PLEKHA7: variants seen among roughly 807,000 people sequenced by gnomAD.
PLEKHA7 encodes pleckstrin homology domain-containing family A member 7.
PLEKHA7 carries 104 observed loss-of-function variants against 170.0 expected under a neutral mutation model. The ratio of observed to expected loss-of-function variants is 0.61; its 90% CI spans 0.52 to 0.72. The LOEUF (loss-of-function observed/expected upper bound fraction) is 0.72. Ranked by LOEUF, PLEKHA7 falls within the 30% of genes least tolerant of loss-of-function variation. The probability of loss-of-function intolerance (pLI) is 0.00; values close to 1 mark genes in which losing one functional copy is unlikely to be tolerated. For missense variants in PLEKHA7, 1,615 were observed against 1,671.7 expected (o/e 0.97, Z 0.59); for synonymous variants, 648 against 660.8 (o/e 0.98, Z 0.30).
chr11:16,960,485 T>C (rs1861988282), intron 3 of PLEKHA7, among the ~76,000 whole-genome samples: 1 of 152,120 alleles, frequency 6.6e-6, no homozygotes, highest in South Asian at 2.1e-4. Context: ...TCCACCGCCA[T>C]GGGCAGAAAC....
intron 17 of PLEKHA7, among the ~76,000 whole-genome samples, chr11:16,796,488 T>G (rs567569868): frequency 6.6e-6 from 1 of 152,238 alleles, no homozygotes; most frequent in South Asian, 2.1e-4. Flanking sequence ...AGTAGATTAG[T>G]GTTTGGCAAG....
At chr11:17,011,276 AT>A (rs1387707987) in intron 3 of PLEKHA7, among the ~76,000 whole-genome samples, 5 of 152,110 alleles carry the variant, frequency 3.3e-5, no homozygotes, top group Non-Finnish European at 7.4e-5. Flanking sequence ...CATGGATCCC[AT>A]CCCTCTCACC....
intron 10 of PLEKHA7, among the ~76,000 whole-genome samples, chr11:16,819,538 C>G (rs1310688400): frequency 2.0e-5 from 3 of 152,208 alleles, no homozygotes; most frequent in African/African-American, 7.2e-5. Context: ...TCTGACTCTG[C>G]CTTCACCTAT....
intron 3 of PLEKHA7, among the ~76,000 whole-genome samples, chr11:16,925,851 G>A (rs1039374206): frequency 1.3e-5 from 2 of 152,246 alleles, no homozygotes; most frequent in Non-Finnish European, 2.9e-5. Flanking sequence ...CGGCGCGTCC[G>A]AGCCCAGCAC....
intron 21 of PLEKHA7, 47 bp downstream of exon 21, chr11:16,790,751 A>C (rs1847783685): frequency 4.5e-6 from 7 of 1,562,118 alleles, no homozygotes; most frequent in Non-Finnish European, 6.1e-6. Context: ...GGCTGGAAGC[A>C]GTGTGGTGGG....
At chr11:16,898,038 TGATG>T (rs1262832635) in intron 3 of PLEKHA7, among the ~76,000 whole-genome samples, 1 of 152,116 alleles carries the variant, frequency 6.6e-6, no homozygotes, top group African/African-American at 2.4e-5. Context: ...TTTTTCTGAC[TGATG>T]GAAGAAAAAC....
chr11:16,828,185 T>A (rs1001117639), intron 9 of PLEKHA7, among the ~76,000 whole-genome samples: 8 of 152,146 alleles, frequency 5.3e-5, no homozygotes, highest in African/African-American at 1.9e-4. Context: ...GAACTGTAGT[T>A]CCCATAATCC....
chr11:16,858,902 C>T (rs1467652081), intron 4 of PLEKHA7, among the ~76,000 whole-genome samples: 3 of 152,288 alleles, frequency 2.0e-5, no homozygotes, highest in South Asian at 4.1e-4. Flanking sequence ...CGTCTCCTCC[C>T]CATACTAGCT....
intron 3 of PLEKHA7, among the ~76,000 whole-genome samples, chr11:16,953,956 G>C (rs1861551030): frequency 6.6e-6 from 1 of 152,158 alleles, no homozygotes. Context: ...AAAGTTGGCT[G>C]ACTGAACAGA....
intron 3 of PLEKHA7, among the ~76,000 whole-genome samples, chr11:16,884,543 G>C (rs1253629483): frequency 6.6e-6 from 1 of 152,150 alleles, no homozygotes; most frequent in East Asian, 1.9e-4. Context: ...GCTGAGCCAG[G>C]AGAATTGTTT....
At chr11:16,805,077 G>T (rs1848862588) in intron 13 of PLEKHA7, among the ~76,000 whole-genome samples, 1 of 152,184 alleles carries the variant, frequency 6.6e-6, no homozygotes, top group Non-Finnish European at 1.5e-5. Flanking sequence ...GAACAAGGAG[G>T]TTGTCTATTC....
intron 3 of PLEKHA7, among the ~76,000 whole-genome samples, chr11:16,981,873 T>C (rs1863450166): frequency 6.6e-6 from 1 of 152,192 alleles, no homozygotes; most frequent in Non-Finnish European, 1.5e-5. Flanking sequence ...GCTGTCGTCA[T>C]GGAGCCGGAA....
At position 16,938,487 on chromosome 11, in the gene PLEKHA7, GC is replaced by G. The variant is rs895468210; in HGVS notation, c.222-67306del. On this transcript the variant is annotated intron_variant, in intron 3 of 26. Coordinates refer to ENST00000531066, the MANE Select transcript of PLEKHA7 (RefSeq NM_001329630.2). ...ACATTCTCAATATTCTAAGATAGGT[GC>G]CCCCCTCACTTTTTTTTTCAATTTT... Among the ~76,000 whole-genome samples, 6 of 151,598 alleles carry G rather than the reference GC, an allele frequency of 4.0e-5. No individual in the cohort carries two copies. The South Asian group carries it at 1.0e-3, about 26-fold the overall frequency.
chr11:16,817,518 G>A lies in PLEKHA7; in HGVS notation c.1344-196C>T. The A allele has an allele frequency of 1.9e-6, 1 of 524,690 alleles. No homozygotes were observed. The highest frequency in any genetic ancestry group is 3.3e-6 in the Non-Finnish European group (1 of 306,236). The allele number at this position is 524,690 out of a possible 1,614,324, so 32.5% of individuals were successfully genotyped here. On this transcript the variant is annotated intron_variant, in intron 10 of 26. Transcript: ENST00000531066. This position sits in a 1 kb window ranked among gnomAD's most constrained non-coding sequence, Gnocchi z 4.4. ...GACGACTCCAAAACCATTTTTCTCTGTCAACTTCCTCTGCCAGGACAACTT... is the reference window on the plus strand; with the variant it reads ...GACGACTCCAAAACCATTTTTCTCTATCAACTTCCTCTGCCAGGACAACTT...
intron 17 of PLEKHA7, 28 bp from the exon 18 acceptor site, chr11:16,795,046 C>T: frequency 1.4e-6 from 2 of 1,480,678 alleles, no homozygotes; most frequent in South Asian, 2.3e-5. Context: ...GTGGGTTTGC[C>T]TTCTTAGCTC....
chr11:16,969,821 A>C (rs1203951109), intron 3 of PLEKHA7, among the ~76,000 whole-genome samples: 4 of 152,226 alleles, frequency 2.6e-5, no homozygotes, highest in Non-Finnish European at 5.9e-5. Context: ...TTACACTGGG[A>C]GTTCCCAGAT....
At chr11:16,887,470 T>C (rs569954013) in intron 3 of PLEKHA7, among the ~76,000 whole-genome samples, 46 of 152,258 alleles carry the variant, frequency 3.0e-4, no homozygotes, top group African/African-American at 9.9e-4. Flanking sequence ...ACTGCCGCCA[T>C]CTCGGCTCAC....
intron 3 of PLEKHA7, among the ~76,000 whole-genome samples, chr11:16,873,697 C>T (rs1044022665): frequency 2.0e-5 from 3 of 152,162 alleles, no homozygotes; most frequent in African/African-American, 7.2e-5. Flanking sequence ...GATGGAGTGT[C>T]GCTCTGTCGC....
intron 13 of PLEKHA7, chr11:16,807,111 C>T: frequency 1.0e-6 from 1 of 959,366 alleles, no homozygotes; most frequent in South Asian, 4.8e-5. Context: ...AATGGAATGA[C>T]CCCGCTTGGA....
Sources: gnomAD v4.1 joint callset for allele counts (sites outside exome capture counted in the v4.1 genomes callset) on GRCh38, gnomAD v4.1.1 for gene constraint, Gnocchi (gnomAD v3.1) non-coding constraint, MANE v1.5 for transcripts, NCBI Gene and HGNC (gene_info 2026-07-23, HGNC 2026-07-21) for gene names.